The following SIPA1L1 variants were observed in gnomAD, a reference collection of about 807,000 sequenced individuals.
SIPA1L1 encodes signal induced proliferation associated 1 like 1.
SIPA1L1 carries 26 observed loss-of-function variants against 162.7 expected under a neutral mutation model. That is an observed-to-expected ratio of 0.16 (90% CI 0.12 to 0.22). The LOEUF is 0.22. SIPA1L1 is among the 10% of genes least tolerant of loss of function. The probability of loss-of-function intolerance (pLI) is 1.00; values close to 1 mark genes in which losing one functional copy is unlikely to be tolerated. For missense variants in SIPA1L1, 1,874 were observed against 2,241.0 expected, an observed-to-expected ratio of 0.84 and a Z score of 3.31; for synonymous variants, 829 against 837.4, an observed-to-expected ratio of 0.99 and a Z score of 0.17.
intron 2 of SIPA1L1, among the ~76,000 whole-genome samples, chr14:71,445,786 G>A (rs1455845000): frequency 6.6e-6 from 1 of 152,142 alleles, no homozygotes; most frequent in Non-Finnish European, 1.5e-5. Flanking sequence ...AAGTAATTTA[G>A]ATATTAGGTA....
chr14:71,573,454 A>T (rs778165422), intron 4 of SIPA1L1: 1 of 418,970 alleles, frequency 2.4e-6, no homozygotes, highest in South Asian at 1.7e-5. Context: ...GAGCATTCAC[A>T]GTGTGTCCTG....
chr14:71,620,651 C>T (rs544250659), intron 6 of SIPA1L1, among the ~76,000 whole-genome samples: 1 of 152,120 alleles, frequency 6.6e-6, no homozygotes, highest in Non-Finnish European at 1.5e-5. Flanking sequence ...CTGGTTTCCA[C>T]GAGCTTCCCT....
At chr14:71,728,890 A>G (rs1204378336) in intron 19 of SIPA1L1, among the ~76,000 whole-genome samples, 1 of 152,226 alleles carries the variant, frequency 6.6e-6, no homozygotes, top group Non-Finnish European at 1.5e-5. Context: ...CAGTGAAGAG[A>G]TACTCAGAAG....
chr14:71,570,695 T>C (rs1429089971), intron 4 of SIPA1L1, among the ~76,000 whole-genome samples: 4 of 152,180 alleles, frequency 2.6e-5, no homozygotes, highest in Non-Finnish European at 4.4e-5. Flanking sequence ...TTGGGGAATA[T>C]AAGATACTGA....
At chr14:71,720,560 A>G (rs894796957) in intron 17 of SIPA1L1, among the ~76,000 whole-genome samples, 1 of 138,866 alleles carries the variant, frequency 7.2e-6, no homozygotes, top group African/African-American at 2.8e-5. Flanking sequence ...GAGACTGTCT[A>G]AAAAAAAAAG....
chr14:71,337,697 A>G (rs908629723), intron 2 of SIPA1L1, among the ~76,000 whole-genome samples: 2 of 152,168 alleles, frequency 1.3e-5, no homozygotes, highest in African/African-American at 2.4e-5. Flanking sequence ...GGGTGGGGAC[A>G]CAGCCAAACC....
chr14:71,700,585 T>C (rs1345005333), intron 14 of SIPA1L1, among the ~76,000 whole-genome samples: 1 of 152,142 alleles, frequency 6.6e-6, no homozygotes, highest in Non-Finnish European at 1.5e-5. Context: ...TAAATCAAGG[T>C]TTTTATTTTT....
intron 16 of SIPA1L1, among the ~76,000 whole-genome samples, chr14:71,705,674 C>G (rs2082384745): frequency 6.6e-6 from 1 of 151,754 alleles, no homozygotes; most frequent in African/African-American, 2.4e-5. Context: ...GTGGTTGGAG[C>G]GTCAGTCCTG....
intron 12 of SIPA1L1, among the ~76,000 whole-genome samples, chr14:71,682,939 A>T (rs2045941114): frequency 6.6e-6 from 1 of 152,208 alleles, no homozygotes; most frequent in African/African-American, 2.4e-5. Context: ...ACATCACTTG[A>T]GCTCAGGAGT....
chr14:71,689,923 G>C (rs1169940064), intron 13 of SIPA1L1, among the ~76,000 whole-genome samples: 3 of 152,198 alleles, frequency 2.0e-5, no homozygotes, highest in Non-Finnish European at 4.4e-5. Flanking sequence ...TCCTCTCAGA[G>C]AGCATAATAG....
At chr14:71,339,653 C>T (rs1247232913) in intron 2 of SIPA1L1, among the ~76,000 whole-genome samples, 4 of 152,282 alleles carry the variant, frequency 2.6e-5, no homozygotes, top group South Asian at 2.1e-4. Context: ...CGTGAGCCAC[C>T]GTGCCAGGCC....
chr14:71,466,095 G>C (rs1429436319), intron 2 of SIPA1L1, among the ~76,000 whole-genome samples: 1 of 152,124 alleles, frequency 6.6e-6, no homozygotes, highest in Non-Finnish European at 1.5e-5. Context: ...ATCCAATCAA[G>C]TTGACACTCA....
chr14:71,539,602 A>C (rs781332490), intron 4 of SIPA1L1, among the ~76,000 whole-genome samples: 2 of 152,236 alleles, frequency 1.3e-5, no homozygotes, highest in African/African-American at 4.8e-5. Flanking sequence ...AGAGAGTCTG[A>C]ATCTAACTTC....
chr14:71,664,253 C>G (rs2043799830), intron 10 of SIPA1L1, among the ~76,000 whole-genome samples: 1 of 152,134 alleles, frequency 6.6e-6, no homozygotes, highest in African/African-American at 2.4e-5. Context: ...ACTCCCCGAA[C>G]TACTAGGGAT....
intron 2 of SIPA1L1, among the ~76,000 whole-genome samples, chr14:71,411,128 T>C (rs960124663): frequency 4.6e-5 from 7 of 152,176 alleles, no homozygotes; most frequent in African/African-American, 1.7e-4. Context: ...TTTTGTTTTT[T>C]TTTTCTTGCT....
chr14:71,545,607 G>C (rs2055118255), intron 4 of SIPA1L1, among the ~76,000 whole-genome samples: 1 of 151,792 alleles, frequency 6.6e-6, no homozygotes, highest in South Asian at 2.1e-4. Context: ...GTGTGTAGTT[G>C]TCATATGTGA....
rs1220662824 is a variant in SIPA1L1, at chr14:71,377,947, C to T, written c.-465+56766C>T. Among the ~76,000 whole-genome samples the T allele has an allele frequency of 2.6e-5, 4 of 152,056 alleles. No individual in the cohort carries two copies. The highest frequency in any genetic ancestry group is 6.5e-5 in the Admixed American group (1 of 15,268). On this transcript the variant is annotated intron_variant, in intron 2 of 23. Transcript: ENST00000381232. The surrounding 1 kb of genome is among the most constrained non-coding windows in gnomAD (Gnocchi z 4.8). ...AGCAGTACAGTCCAGCCTCGGCAAC[C>T]GAGGGAGACCGTGGAAAGCAGGAGA...
chr14:71,610,718 TC>T (rs2038113398), intron 5 of SIPA1L1, among the ~76,000 whole-genome samples: 1 of 152,242 alleles, frequency 6.6e-6, no homozygotes, highest in Non-Finnish European at 1.5e-5. Context: ...TGTATTTTTT[TC>T]TTTAATCATT....
chr14:71,560,592 T>G (rs938815971), intron 4 of SIPA1L1, among the ~76,000 whole-genome samples: 2 of 152,122 alleles, frequency 1.3e-5, no homozygotes, highest in African/African-American at 4.8e-5. Context: ...TAGTTACCCC[T>G]AAACCAGTCC....
Sources: gnomAD v4.1 joint callset for allele counts (sites outside exome capture counted in the v4.1 genomes callset) on GRCh38, gnomAD v4.1.1 for gene constraint, Gnocchi (gnomAD v3.1) non-coding constraint, MANE v1.5 for transcripts, NCBI Gene and HGNC (gene_info 2026-07-23, HGNC 2026-07-21) for gene names.